DGCR2: variants seen among roughly 807,000 people sequenced by gnomAD.
The protein encoded by DGCR2 is DiGeorge syndrome critical region gene 2.
A neutral mutation model predicts 51.6 loss-of-function variants in DGCR2; 24 were observed. The ratio of observed to expected loss-of-function variants is 0.47; its 90% CI spans 0.34 to 0.65. DGCR2 has a LOEUF of 0.65. Among genes scored for constraint, DGCR2 ranks in the 30% least tolerant of loss-of-function variants. The pLI is 0.01. For missense variants in DGCR2, 765 were observed against 772.1 expected (o/e 0.99, Z 0.11); for synonymous variants, 340 against 315.4 (o/e 1.08, Z -0.82).
intron 1 of DGCR2, among the ~76,000 whole-genome samples, chr22:19,091,692 A>G (rs2083080503): frequency 6.6e-6 from 1 of 151,774 alleles, no homozygotes; most frequent in South Asian, 2.1e-4. Flanking sequence ...CAGGCAGATC[A>G]CTTGAGGTCA....
chr22:19,090,258 C>G (rs565213616), intron 1 of DGCR2, among the ~76,000 whole-genome samples: 2 of 152,260 alleles, frequency 1.3e-5, no homozygotes, highest in African/African-American at 4.8e-5. Flanking sequence ...GGAACAGACA[C>G]AACATCTGAA....
At position 19,112,924 on chromosome 22, in the gene DGCR2, ACTT is replaced by A. The variant is rs2083332033; in HGVS notation, c.79+9201_79+9203del. On this transcript the variant is annotated intron_variant, in intron 1 of 9. Transcript: ENST00000263196. ...CTGTTACTAGTGGTGCGAATGCAGT[ACTT>A]CTGAAACTATTCTGGGTGCAGTGTA... 1.4e-5 allele frequency among the ~76,000 whole-genome samples: 2 copies of A among 144,740 alleles called. 1 individual carries two copies. The highest frequency in any genetic ancestry group is 5.1e-5 in the African/African-American group (2 of 39,412). The allele number at this position is 144,740 out of a possible 152,430, so 95.0% of individuals were successfully genotyped here. A position where few individuals can be genotyped will look rare whatever the true frequency, so the allele number is the denominator to read the frequency against.
intron 2 of DGCR2, among the ~76,000 whole-genome samples, chr22:19,082,619 A>T (rs1365015631): frequency 1.3e-5 from 2 of 152,000 alleles, no homozygotes; most frequent in Non-Finnish European, 1.5e-5. Context: ...GCGTGGTGGC[A>T]GATGCCTGTA....
intron 2 of DGCR2, among the ~76,000 whole-genome samples, chr22:19,088,941 T>C (rs1340228633): frequency 6.6e-6 from 1 of 152,006 alleles, no homozygotes; most frequent in Admixed American, 6.6e-5. Flanking sequence ...TCCAGGTGAA[T>C]GAGTGAGCAG....
At chr22:19,085,394 A>C (rs1425945578) in intron 2 of DGCR2, among the ~76,000 whole-genome samples, 1 of 152,252 alleles carries the variant, frequency 6.6e-6, no homozygotes, top group Non-Finnish European at 1.5e-5. Flanking sequence ...GGGAAGGCAG[A>C]AGCCACTGCA....
chr22:19,068,739 G>A (rs542073891), intron 2 of DGCR2, among the ~76,000 whole-genome samples: 2 of 152,362 alleles, frequency 1.3e-5, no homozygotes, highest in Admixed American at 1.3e-4. Context: ...GGCTGTGAAG[G>A]CCTCCAGGCC....
chr22:19,039,189 G>C (rs377653176), intron 9 of DGCR2, 68 bp from the exon 10 acceptor site: 5 of 1,582,642 alleles, frequency 3.2e-6, no homozygotes, highest in East Asian at 4.5e-5. Flanking sequence ...AGGGGAGCTA[G>C]GCAAAACCAG....
At chr22:19,048,156 T>G (rs113010545) in intron 7 of DGCR2, 1 of 506,724 alleles carries the variant, frequency 2.0e-6, no homozygotes. Context: ...AAGCTGTCAG[T>G]GGTGACTTGT....
chr22:19,070,778 T>A (rs963462559), intron 2 of DGCR2, among the ~76,000 whole-genome samples: 2 of 152,212 alleles, frequency 1.3e-5, no homozygotes, highest in African/African-American at 4.8e-5. Context: ...CATCTCCATA[T>A]CCAAATGCTC....
rs904017607 is a variant in DGCR2 at position 19,038,114 on chromosome 22, T to A, written c.*751A>T. The A allele has an allele frequency of 2.6e-5, 4 of 152,364 alleles. No individual in the cohort carries two copies. Among genetic ancestry groups the A allele is most frequent in the African/African-American group, 9.7e-5 (4 of 41,434 alleles). 9.4% of individuals were successfully genotyped at this position (152,364 alleles called of 1,614,324 possible). A position where few individuals can be genotyped will look rare whatever the true frequency, so the allele number is the denominator to read the frequency against. ...CCAGAGCTTCTTCCTGAGGGAGCCA[T>A]GCACAGCAATGCTGGGAGAGGGACT... On this transcript the variant is annotated 3_prime_UTR_variant, in exon 10 of 10. Coordinates refer to ENST00000263196, the MANE Select transcript of DGCR2 (RefSeq NM_005137.3).
At chr22:19,050,263 C>T (rs2146314984) in intron 6 of DGCR2, among the ~76,000 whole-genome samples, 1 of 152,296 alleles carries the variant, frequency 6.6e-6, no homozygotes, top group South Asian at 2.1e-4. Flanking sequence ...TCTAAGGGAA[C>T]CCCAATAAGA....
At chr22:19,056,557 A>AT in intron 6 of DGCR2, 1 of 349,606 alleles carries the variant, frequency 2.9e-6, no homozygotes, top group South Asian at 3.9e-5. Flanking sequence ...GCTTTAATAA[A>AT]AAAAAAAAAA....
chr22:19,111,850 TTATTTATTTA>T lies in DGCR2; in HGVS notation c.79+10268_79+10277del, dbSNP rs141699017. On this transcript the variant is annotated intron_variant, in intron 1 of 9. Transcript: ENST00000263196. ...CTAAACTCTTTTTTGTTTTTATTTT[TTATTTATTTA>T]TTTTTTTTTGTCTCCAGGAAGAAAC... Among the ~76,000 whole-genome samples, 68 of 77,734 alleles carry T rather than the reference TTATTTATTTA, an allele frequency of 8.7e-4. 1 individual carries two copies. Among genetic ancestry groups the T allele is most frequent in the African/African-American group, 3.6e-3 (51 of 14,230 alleles). The allele number at this position is 77,734 out of a possible 152,430, so 51.0% of individuals were successfully genotyped here. A position where few individuals can be genotyped will look rare whatever the true frequency, so the allele number is the denominator to read the frequency against.
chr22:19,092,834 C>T (rs1239154248), intron 1 of DGCR2, among the ~76,000 whole-genome samples: 3 of 151,870 alleles, frequency 2.0e-5, no homozygotes, highest in African/African-American at 7.3e-5. Context: ...AAGGCAGCTC[C>T]CTGAAGAAAG....
intron 4 of DGCR2, 30 bp downstream of exon 4, chr22:19,064,818 A>G (rs1223881513): frequency 6.2e-7 from 1 of 1,600,826 alleles, no homozygotes; most frequent in East Asian, 2.2e-5. Flanking sequence ...CTCTGACTCC[A>G]GCCCCTCAGG....
chr22:19,102,440 C>T (rs182726181), intron 1 of DGCR2, among the ~76,000 whole-genome samples: 123 of 152,118 alleles, frequency 8.1e-4, no homozygotes, highest in African/African-American at 2.7e-3. Flanking sequence ...TGGTGGCTCA[C>T]GCCTGTAATC....
At chr22:19,074,735 T>A (rs927402765) in intron 2 of DGCR2, among the ~76,000 whole-genome samples, 1 of 152,184 alleles carries the variant, frequency 6.6e-6, no homozygotes, top group African/African-American at 2.4e-5. Flanking sequence ...GTAACTTGAA[T>A]AAAGATAAAA....
At chr22:19,117,649 C>T (rs1055183761) in intron 1 of DGCR2, among the ~76,000 whole-genome samples, 2 of 152,098 alleles carry the variant, frequency 1.3e-5, no homozygotes, top group Non-Finnish European at 2.9e-5. Flanking sequence ...AGGGATAAGG[C>T]AAATAAGGTA....
chr22:19,044,566 G>GT (rs549900542), intron 7 of DGCR2, among the ~76,000 whole-genome samples: 41 of 152,332 alleles, frequency 2.7e-4, no homozygotes, highest in South Asian at 1.0e-3. Context: ...GAACCTCATC[G>GT]TATCAGGGCT....
Sources: gnomAD v4.1 joint callset for allele counts (sites outside exome capture counted in the v4.1 genomes callset) on GRCh38, gnomAD v4.1.1 for gene constraint, MANE v1.5 for transcripts, NCBI Gene and HGNC (gene_info 2026-07-23, HGNC 2026-07-21) for gene names.